DHX38: variants seen among roughly 807,000 people sequenced by gnomAD.
The protein encoded by DHX38 is DEAH-box helicase 38.
A neutral mutation model predicts 153.1 loss-of-function variants in DHX38; 100 were observed. The ratio of observed to expected loss-of-function variants is 0.65; its 90% CI spans 0.56 to 0.77. DHX38 has a LOEUF of 0.77. DHX38 is among the 30% of genes least tolerant of loss of function. The pLI is 0.00. For missense variants in DHX38, 1,440 were observed against 1,654.0 expected, an observed-to-expected ratio of 0.87 and a Z score of 2.24; for synonymous variants, 650 against 631.7, an observed-to-expected ratio of 1.03 and a Z score of -0.43.
Position 72,108,298 on chromosome 16 carries a change from G to A in DHX38, c.3036G>A (p.Leu1012=), listed in dbSNP as rs2042209699. Residue 1012 remains leucine, a synonymous_variant, in exon 22 of 27, where the codon CTG becomes CTA. Coordinates refer to ENST00000268482, the MANE Select transcript of DHX38 (RefSeq NM_014003.4). ...CTGAGAGCGATCATTTGACCTACCTGAATGTTTACCTGCAGTGGAAGAACA... is the reference window on the plus strand; with the variant it reads ...CTGAGAGCGATCATTTGACCTACCTAAATGTTTACCTGCAGTGGAAGAACA... ...AVPESDHLTY[L]NVYLQWKNNN... is the part of the protein sequence containing the mutation. The A allele has an allele frequency of 6.2e-7, 1 of 1,614,020 alleles. No individual in the cohort carries two copies. The highest frequency in any genetic ancestry group is 1.1e-5 in the South Asian group (1 of 91,080).
intron 8 of DHX38, among the ~76,000 whole-genome samples, 172 bp downstream of exon 8, chr16:72,100,059 G>A (rs868013632): frequency 1.3e-5 from 2 of 152,158 alleles, no homozygotes; most frequent in Non-Finnish European, 1.5e-5. Flanking sequence ...GTAGCTTAAG[G>A]AAAGCCCCGG....
In DHX38 at chr16:72,109,519, T is replaced by G. The variant is rs2042230138; in HGVS notation, c.3477+9T>G. 15 of 1,608,430 alleles carry G rather than the reference T, an allele frequency of 9.3e-6. No individual in the cohort carries two copies. Among genetic ancestry groups the G allele is most frequent in the Non-Finnish European group, 1.2e-5 (14 of 1,177,792 alleles). ...CGGGCAAGTCACGGCAGGTGAGGATTCTGTGCTCTTCGCAGGGGTGCTGTT... is the reference window on the plus strand; with the variant it reads ...CGGGCAAGTCACGGCAGGTGAGGATGCTGTGCTCTTCGCAGGGGTGCTGTT... On this transcript the variant is annotated intron_variant, in intron 25 of 26. Transcript: ENST00000268482.
In DHX38 at chr16:72,101,546, T is replaced by C. The variant is rs139756717; in HGVS notation, c.1433T>C (p.Ile478Thr). ...CTGGCGGGGACCAAACTGGGAGATA[T>C]AATGGGCGTCAAGAAGGAGGAAGAG... ...WELAGTKLGDIMGVKKEEEPD... is the reference protein window; with the variant it reads ...WELAGTKLGDTMGVKKEEEPD... The change falls in exon 11 of 27, where the codon ATA becomes ACA. Residue 478 changes from isoleucine (I) to threonine (T), a missense_variant. By Grantham distance (89) the Ile-to-Thr change is moderately conservative. Around this residue, in one of 6 missense-constraint regions of DHX38, gnomAD observed 241 missense variants for 229.5 expected, o/e 1.05. Transcript: ENST00000268482. 20 of 1,551,922 alleles carry C rather than the reference T, an allele frequency of 1.3e-5. No individual in the cohort carries two copies. Among genetic ancestry groups the C allele is most frequent in the East Asian group, 2.4e-5 (1 of 40,950 alleles).
At chr16:72,105,700 C>CAGGA in intron 18 of DHX38, 76 bp downstream of exon 18, 3 of 1,441,130 alleles carry the variant, frequency 2.1e-6, no homozygotes, top group Non-Finnish European at 2.9e-6. Context: ...AAGCCAGGGC[C>CAGGA]TCGCTCCTGG....
At position 72,107,636 on chromosome 16, in the gene DHX38, C is replaced by T. The variant is rs1321239680; in HGVS notation, c.2810-9C>T. The T allele has an allele frequency of 1.9e-6, 3 of 1,612,714 alleles. No homozygotes were observed. Among genetic ancestry groups the T allele is most frequent in the Non-Finnish European group, 2.5e-6 (3 of 1,178,826 alleles). On this transcript the variant is annotated splice_polypyrimidine_tract_variant and intron_variant, in intron 20 of 26. Transcript: ENST00000268482. The surrounding 1 kb of genome is among the most constrained non-coding windows in gnomAD (Gnocchi z 5.3). ...CCGTCAAATATCCGGGTTTGCTCAT[C>T]TCTCCTAGGTGGTCTGACCTCTACC...
At position 72,105,333 on chromosome 16, in the gene DHX38, C is replaced by G. The variant is rs1328795112; in HGVS notation, c.2364C>G (p.Ala788=). 2 of 1,614,036 alleles carry G rather than the reference C, an allele frequency of 1.2e-6. No homozygotes were observed. Among genetic ancestry groups the G allele is most frequent in the African/African-American group, 2.7e-5 (2 of 74,932 alleles). The change falls in exon 17 of 27, where the codon GCC becomes GCG. Residue 788 remains alanine, a synonymous_variant. Coordinates refer to ENST00000268482, the MANE Select transcript of DHX38 (RefSeq NM_014003.4). ...IYSQLPSDLQ[A]KIFQKAPDGV... is the part of the protein sequence containing the mutation. ...CTCAGCTGCCTTCTGACCTCCAGGC[C>G]AAAATCTTCCAGAAGGTGTGTCAGC...
In DHX38 at chr16:72,112,613, A is replaced by G; in HGVS notation, c.*116A>G. 2 of 1,127,834 alleles carry G rather than the reference A, an allele frequency of 1.8e-6. No homozygotes were observed. The highest frequency in any genetic ancestry group is 1.5e-5 in the African/African-American group (1 of 65,554). 69.9% of individuals were successfully genotyped at this position (1,127,834 alleles called of 1,614,324 possible). ...CTGAGGACTTTCATCTGTGCATATC[A>G]CGGCCCCCCAGGGCAGTTCCTGCTG... On this transcript the variant is annotated 3_prime_UTR_variant, in exon 27 of 27. Coordinates refer to ENST00000268482, the MANE Select transcript of DHX38 (RefSeq NM_014003.4).
At chr16:72,103,559 T>C in intron 12 of DHX38, 43 bp from the exon 13 acceptor site, 2 of 1,580,840 alleles carry the variant, frequency 1.3e-6, no homozygotes, top group Non-Finnish European at 1.7e-6. Flanking sequence ...GGTGTTGGCC[T>C]TCCACTTCGG....
At chr16:72,101,303 A>G in intron 10 of DHX38, 110 bp downstream of exon 10, 7 of 1,300,272 alleles carry the variant, frequency 5.4e-6, no homozygotes, top group Middle Eastern at 3.7e-4. Flanking sequence ...CCCCTCTATC[A>G]AGTCCTTAGG....
Position 72,099,027 on chromosome 16 carries a change from C to T in DHX38, c.865C>T (p.Arg289Cys), listed in dbSNP as rs760850084. 5 of 1,612,820 alleles carry T rather than the reference C, an allele frequency of 3.1e-6. No individual in the cohort carries two copies. The highest frequency in any genetic ancestry group is 1.1e-5 in the South Asian group (1 of 91,010). Residue 289 changes from arginine (R) to cysteine (C), a missense_variant, in exon 6 of 27, where the codon CGT (arginine) becomes TGT (cysteine). Coordinates refer to ENST00000268482, the MANE Select transcript of DHX38 (RefSeq NM_014003.4). Reference protein sequence around the residue: ...DDRRHLGSTPRLSRGRGRREE... With the variant: ...DDRRHLGSTPCLSRGRGRREE... Reference sequence around the variant, plus strand: ...CAGAAGACACTTGGGGTCCACCCCGCGTCTGTCCAGGGGCCGAGGTGAGGC... The same window carrying T: ...CAGAAGACACTTGGGGTCCACCCCGTGTCTGTCCAGGGGCCGAGGTGAGGC...
chr16:72,105,715 G>T, intron 18 of DHX38, 91 bp downstream of exon 18: 1 of 1,279,642 alleles, frequency 7.8e-7, no homozygotes, highest in South Asian at 1.2e-5. Flanking sequence ...TCCTGGCCCT[G>T]GGATGTGGGG....
In DHX38 at chr16:72,107,559, C is replaced by T; in HGVS notation, c.2809+11C>T. 1 of 1,610,634 alleles carries T rather than the reference C, an allele frequency of 6.2e-7. No individual in the cohort carries two copies. Among genetic ancestry groups the T allele is most frequent in the Non-Finnish European group, 8.5e-7 (1 of 1,177,180 alleles). ...CCCTGGACAACACAGGTGAGGCGGC[C>T]CCGGGAGCCTCATGGGTGCTGGCGC... On this transcript the variant is annotated intron_variant, in intron 20 of 26. Transcript: ENST00000268482. This position sits in a 1 kb window ranked among gnomAD's most constrained non-coding sequence, Gnocchi z 5.3.
intron 4 of DHX38, 133 bp downstream of exon 4, chr16:72,097,914 T>G: frequency 3.3e-6 from 3 of 905,208 alleles, no homozygotes; most frequent in Non-Finnish European, 5.2e-6. Flanking sequence ...CTTGGGATAG[T>G]TGGTTCTGAG....
intron 2 of DHX38, 135 bp downstream of exon 2, chr16:72,096,615 G>A (rs1270601087): frequency 8.8e-6 from 13 of 1,477,074 alleles, no homozygotes; most frequent in Non-Finnish European, 1.2e-5. Flanking sequence ...AATACTGAAG[G>A]TAGGTAGGAA....
chr16:72,094,716 C>T (rs138314967), intron 1 of DHX38, among the ~76,000 whole-genome samples: 155 of 152,330 alleles, frequency 1.0e-3, no homozygotes, highest in Admixed American at 2.5e-3. Flanking sequence ...CCCTTGCTGT[C>T]TCCAGAAATG....
intron 22 of DHX38, 37 bp from the exon 23 acceptor site, chr16:72,108,436 G>A (rs1267907341): frequency 6.2e-7 from 1 of 1,613,746 alleles, no homozygotes; most frequent in Admixed American, 1.7e-5. Flanking sequence ...GAGAGGAAAG[G>A]AGGGCTCCCT....
At chr16:72,108,996 G>C (rs9926156) in intron 24 of DHX38, 71 bp downstream of exon 24, 598,833 of 1,516,916 alleles carry the variant, frequency 0.39, 123,707 homozygotes, top group African/African-American at 0.72. Flanking sequence ...CCTTCACTGC[G>C]TTCTGGCATG....
chr16:72,107,893 G>A lies in DHX38; in HGVS notation c.2964+94G>A, dbSNP rs540107944. 395 of 1,484,458 alleles carry A rather than the reference G, an allele frequency of 2.7e-4. No homozygotes were observed. The Middle Eastern group carries it at 2.8e-3, about 11-fold the overall frequency. 92.0% of individuals were successfully genotyped at this position (1,484,458 alleles called of 1,614,324 possible). A position where few individuals can be genotyped will look rare whatever the true frequency, so the allele number is the denominator to read the frequency against. ...CTCTGTATTACTGAAATGGAACAGA[G>A]GGCAGAATCAGAGTTTCTGAAGAAT... On this transcript the variant is annotated intron_variant, in intron 21 of 26. Coordinates refer to ENST00000268482, the MANE Select transcript of DHX38 (RefSeq NM_014003.4). The surrounding 1 kb of genome is among the most constrained non-coding windows in gnomAD (Gnocchi z 5.3).
At chr16:72,112,333 C>G in intron 26 of DHX38, 80 bp from the exon 27 acceptor site, 2 of 1,416,288 alleles carry the variant, frequency 1.4e-6, no homozygotes, top group South Asian at 2.3e-5. Flanking sequence ...AACAGTAAGT[C>G]CTGGGGCTCT....
Sources: gnomAD v4.1 joint callset for allele counts (sites outside exome capture counted in the v4.1 genomes callset) on GRCh38, gnomAD v4.1.1 for gene constraint, gnomAD v4.1.1 regional missense constraint, Gnocchi (gnomAD v3.1) non-coding constraint, MANE v1.5 for transcripts, NCBI Gene and HGNC (gene_info 2026-07-23, HGNC 2026-07-21) for gene names.